Variants in RSPO3 observed in about 807,000 individuals in gnomAD.
RSPO3 encodes the protein R-spondin 3.
RSPO3 carries 17 observed loss-of-function variants against 36.5 expected under a neutral mutation model. That is an observed-to-expected ratio of 0.47 (90% CI 0.32 to 0.70). The LOEUF (loss-of-function observed/expected upper bound fraction) is 0.70. RSPO3 is among the 30% of genes least tolerant of loss of function. The pLI, the probability that RSPO3 is intolerant of heterozygous loss-of-function variation, is 0.04. For missense variants in RSPO3, 294 were observed against 322.5 expected (o/e 0.91, Z 0.68); for synonymous variants, 108 against 107.0 (o/e 1.01, Z -0.06).
intron 4 of RSPO3, among the ~76,000 whole-genome samples, chr6:127,163,090 A>G (rs1410712573): frequency 6.6e-6 from 1 of 152,046 alleles, no homozygotes; most frequent in Non-Finnish European, 1.5e-5. Context: ...GCCAATTAGG[A>G]GGGTTCCCTA....
intron 3 of RSPO3, among the ~76,000 whole-genome samples, chr6:127,152,699 G>A (rs1774514547): frequency 6.6e-6 from 1 of 152,056 alleles, no homozygotes; most frequent in African/African-American, 2.4e-5. Context: ...TATAGAGCTG[G>A]GATGAAAGAG....
At chr6:127,178,955 A>G (rs997406502) in intron 4 of RSPO3, among the ~76,000 whole-genome samples, 5 of 151,892 alleles carry the variant, frequency 3.3e-5, no homozygotes, top group African/African-American at 1.2e-4. Flanking sequence ...AAATTCCCCA[A>G]AGTTCTGTAA....
At chr6:127,134,632 T>C (rs866794642) in intron 1 of RSPO3, among the ~76,000 whole-genome samples, 36 of 152,338 alleles carry the variant, frequency 2.4e-4, no homozygotes, top group African/African-American at 7.9e-4. Context: ...TTTAAAGATA[T>C]CAGTTGCCAA....
intron 4 of RSPO3, among the ~76,000 whole-genome samples, chr6:127,160,498 C>T (rs1045290499): frequency 2.6e-5 from 4 of 152,154 alleles, no homozygotes; most frequent in African/African-American, 9.7e-5. Context: ...AGGTACTGCT[C>T]CTTATGGAGC....
At chr6:127,122,393 C>CT (rs565551445) in intron 1 of RSPO3, among the ~76,000 whole-genome samples, 1,627 of 151,510 alleles carry the variant, frequency 0.011, 26 homozygotes, top group African/African-American at 0.035. Context: ...TTAAGAAGCA[C>CT]TTTTTTTTTG....
intron 4 of RSPO3, among the ~76,000 whole-genome samples, chr6:127,162,847 G>C (rs1159460231): frequency 6.6e-6 from 1 of 152,126 alleles, no homozygotes; most frequent in African/African-American, 2.4e-5. Flanking sequence ...ATTTGTTAAT[G>C]CTGGCAAAAA....
intron 1 of RSPO3, among the ~76,000 whole-genome samples, chr6:127,138,255 T>C (rs1774201934): frequency 6.6e-6 from 1 of 152,184 alleles, no homozygotes; most frequent in Non-Finnish European, 1.5e-5. Flanking sequence ...TTGATATCAT[T>C]TCTATGCCAT....
rs116470091 is a variant in RSPO3 at position 127,164,769 on chromosome 6, C to T, written c.634+9331C>T. Among the ~76,000 whole-genome samples, 139 of 152,114 alleles carry T rather than the reference C, an allele frequency of 9.1e-4. 1 individual carries two copies. The East Asian group carries it at 0.01, about 11-fold the overall frequency. On this transcript the variant is annotated intron_variant, in intron 4 of 4. Coordinates refer to ENST00000356698, the MANE Select transcript of RSPO3 (RefSeq NM_032784.5). ...TAACTCTAACCTAATTACTGAACTG[C>T]GGTGTTTATATTGTGTATACACCAC... is the stretch of plus-strand genomic sequence containing the variant.
At chr6:127,183,521 T>A (rs888454514) in intron 4 of RSPO3, among the ~76,000 whole-genome samples, 1 of 151,986 alleles carries the variant, frequency 6.6e-6, no homozygotes, top group African/African-American at 2.4e-5. Context: ...CACCAAAGCA[T>A]CTCTGTCTAT....
At chr6:127,134,979 T>A (rs1377192467) in intron 1 of RSPO3, among the ~76,000 whole-genome samples, 1 of 152,134 alleles carries the variant, frequency 6.6e-6, no homozygotes, top group African/African-American at 2.4e-5. Flanking sequence ...TGAGAAATAG[T>A]TATCTTTGCA....
intron 1 of RSPO3, among the ~76,000 whole-genome samples, chr6:127,146,996 G>A (rs1774397202): frequency 1.3e-5 from 2 of 152,090 alleles, no homozygotes. Flanking sequence ...AAGTCCCCCA[G>A]GCCCTGTAAT....
chr6:127,177,211 T>C (rs1194495814), intron 4 of RSPO3, among the ~76,000 whole-genome samples: 1 of 151,888 alleles, frequency 6.6e-6, no homozygotes, highest in African/African-American at 2.4e-5. Flanking sequence ...AACTGTAACA[T>C]GTTACCCAAT....
At chr6:127,142,789 G>GT (rs764561990) in intron 1 of RSPO3, among the ~76,000 whole-genome samples, 15 of 151,068 alleles carry the variant, frequency 9.9e-5, no homozygotes, top group East Asian at 1.9e-4. Flanking sequence ...CTTTCTGGTT[G>GT]TTTTTTTTGT....
intron 4 of RSPO3, among the ~76,000 whole-genome samples, chr6:127,160,119 C>G (rs902468655): frequency 1.3e-5 from 2 of 152,126 alleles, no homozygotes; most frequent in East Asian, 3.9e-4. Flanking sequence ...GAACTGTTTG[C>G]AACCGCCTTT....
At chr6:127,154,604 T>C (rs1371271409) in intron 3 of RSPO3, among the ~76,000 whole-genome samples, 1 of 152,134 alleles carries the variant, frequency 6.6e-6, no homozygotes, top group African/African-American at 2.4e-5. Flanking sequence ...ACAGCACATG[T>C]CGTAAGCAAA....
At chr6:127,128,171 T>C (rs1018524165) in intron 1 of RSPO3, among the ~76,000 whole-genome samples, 1 of 152,090 alleles carries the variant, frequency 6.6e-6, no homozygotes, top group Non-Finnish European at 1.5e-5. Context: ...ATAGATATTT[T>C]ACTGGCTATT....
At chr6:127,147,922 A>G (rs1465917141) in intron 1 of RSPO3, among the ~76,000 whole-genome samples, 2 of 152,164 alleles carry the variant, frequency 1.3e-5, no homozygotes, top group Non-Finnish European at 2.9e-5. Context: ...ATCCACATGG[A>G]AACACTGGTG....
At chr6:127,146,329 G>A (rs1349702114) in intron 1 of RSPO3, among the ~76,000 whole-genome samples, 1 of 151,840 alleles carries the variant, frequency 6.6e-6, no homozygotes, top group East Asian at 1.9e-4. Flanking sequence ...AATTATTGTA[G>A]CACAATGTTG....
intron 4 of RSPO3, among the ~76,000 whole-genome samples, chr6:127,161,529 G>A (rs145978884): frequency 6.6e-5 from 10 of 152,086 alleles, no homozygotes; most frequent in African/African-American, 2.2e-4. Context: ...TTTTATTAAC[G>A]GTGGTCGAAA....
Sources: gnomAD v4.1 joint callset for allele counts (sites outside exome capture counted in the v4.1 genomes callset) on GRCh38, gnomAD v4.1.1 for gene constraint, MANE v1.5 for transcripts, NCBI Gene and HGNC (gene_info 2026-07-23, HGNC 2026-07-21) for gene names.